EVA1A: variants seen among roughly 807,000 people sequenced by gnomAD.
The protein encoded by EVA1A is protein eva-1 homolog A.
A neutral mutation model predicts 9.8 loss-of-function variants in EVA1A; 7 were observed. That is an observed-to-expected ratio of 0.71 (90% confidence interval 0.41 to 1.34). EVA1A has a LOEUF of 1.34. EVA1A is among the 40% of genes most tolerant of loss of function. The pLI is 0.01. For synonymous variants in EVA1A, 90 were observed against 85.6 expected (o/e 1.05, Z -0.28); for missense variants, 206 against 205.9 (o/e 1.00, Z 0.00).
intron 1 of EVA1A, among the ~76,000 whole-genome samples, chr2:75,552,256 A>T (rs1001867588): frequency 2.0e-5 from 3 of 152,174 alleles, no homozygotes; most frequent in African/African-American, 7.2e-5. Flanking sequence ...CCTAGAAAAC[A>T]TCTGCCCACT....
intron 1 of EVA1A, chr2:75,524,020 C>A (rs1372501769): frequency 1.3e-5 from 2 of 152,176 alleles, no homozygotes; most frequent in Non-Finnish European, 2.9e-5. Context: ...GGTGAGTTCT[C>A]ATGAGATCTG....
chr2:75,560,030 T>G (rs1420306749), intron 1 of EVA1A, among the ~76,000 whole-genome samples: 1 of 152,048 alleles, frequency 6.6e-6, no homozygotes, highest in Non-Finnish European at 1.5e-5. Context: ...TGCCAACACC[T>G]CCCCTTACCC....
intron 1 of EVA1A, 71 bp downstream of exon 1, chr2:75,560,609 G>A (rs1676889868): frequency 7.0e-6 from 1 of 142,014 alleles, no homozygotes. Flanking sequence ...AGGGCGCTTC[G>A]GAGAAGCCGG....
At chr2:75,495,902 T>C (rs781154476) in intron 3 of EVA1A, among the ~76,000 whole-genome samples, 2 of 152,266 alleles carry the variant, frequency 1.3e-5, no homozygotes, top group Admixed American at 6.5e-5. Flanking sequence ...TTGTTGGTTG[T>C]CTTTTATGAA....
At chr2:75,495,081 AC>A (rs966297334) in intron 3 of EVA1A, among the ~76,000 whole-genome samples, 16 of 151,954 alleles carry the variant, frequency 1.1e-4, no homozygotes, top group African/African-American at 3.1e-4. Flanking sequence ...TTTATCCCTC[AC>A]CCCCCTCCCA....
At chr2:75,494,228 G>C (rs549004528) in intron 3 of EVA1A, among the ~76,000 whole-genome samples, 1 of 152,080 alleles carries the variant, frequency 6.6e-6, no homozygotes, top group South Asian at 2.1e-4. Context: ...CATTATTTGC[G>C]AGATGAGAAA....
intron 1 of EVA1A, among the ~76,000 whole-genome samples, chr2:75,555,824 T>TA (rs1386903207): frequency 6.6e-6 from 1 of 152,206 alleles, no homozygotes; most frequent in Non-Finnish European, 1.5e-5. Flanking sequence ...TCTTGACTCT[T>TA]ACACATGCTG....
intron 1 of EVA1A, chr2:75,524,145 C>G (rs1314500440): frequency 6.6e-6 from 1 of 152,340 alleles, no homozygotes; most frequent in Admixed American, 6.5e-5. Context: ...CCCAGCCATA[C>G]AGAACTGTGA....
intron 1 of EVA1A, among the ~76,000 whole-genome samples, chr2:75,528,506 G>A (rs749789672): frequency 3.3e-5 from 5 of 152,070 alleles, no homozygotes; most frequent in Non-Finnish European, 7.4e-5. Context: ...GGCTTTCCCC[G>A]ACTTCCCTGG....
chr2:75,495,028 G>C (rs1674158311), intron 3 of EVA1A, among the ~76,000 whole-genome samples: 1 of 152,104 alleles, frequency 6.6e-6, no homozygotes, highest in Non-Finnish European at 1.5e-5. Context: ...GAGGACAAAG[G>C]AACAGGCCTG....
chr2:75,517,678 C>G, intron 3 of EVA1A: 1 of 649,576 alleles, frequency 1.5e-6, no homozygotes, highest in Non-Finnish European at 2.8e-6. Context: ...CACACAGTCT[C>G]ACACACAGGC....
intron 3 of EVA1A, 196 bp downstream of exon 3, chr2:75,517,860 A>C (rs565595354): frequency 4.0e-6 from 3 of 751,410 alleles, no homozygotes; most frequent in African/African-American, 3.5e-5. Flanking sequence ...AGAACCCTTC[A>C]TTTTTCAAAT....
At chr2:75,543,359 A>G in intron 1 of EVA1A, among the ~76,000 whole-genome samples, 1 of 152,112 alleles carries the variant, frequency 6.6e-6, no homozygotes, top group Non-Finnish European at 1.5e-5. Flanking sequence ...ACGCCTGACC[A>G]AGGAACACAC....
intron 3 of EVA1A, among the ~76,000 whole-genome samples, chr2:75,504,849 G>A (rs1572949186): frequency 6.6e-6 from 1 of 152,126 alleles, no homozygotes. Context: ...TAATGCATGC[G>A]GGGCTTGAAA....
intron 1 of EVA1A, among the ~76,000 whole-genome samples, chr2:75,527,049 C>G (rs2103877602): frequency 6.6e-6 from 1 of 152,260 alleles, no homozygotes; most frequent in East Asian, 1.9e-4. Flanking sequence ...CAAACAGACT[C>G]CCAACAAATG....
At chr2:75,563,944 A>T (rs1676973074), upstream of EVA1A, among the ~76,000 whole-genome samples, 1 of 152,250 alleles carries the variant, frequency 6.6e-6, no homozygotes, top group Non-Finnish European at 1.5e-5. Flanking sequence ...GGGGTGATTT[A>T]TTCTAAGATG....
intron 1 of EVA1A, among the ~76,000 whole-genome samples, chr2:75,541,153 T>C (rs910206865): frequency 1.3e-5 from 2 of 152,204 alleles, no homozygotes; most frequent in Non-Finnish European, 2.9e-5. Context: ...GGGCCTTGCA[T>C]ACAATAGAGC....
At chr2:75,545,999 G>C (rs1676316335) in intron 1 of EVA1A, among the ~76,000 whole-genome samples, 1 of 152,200 alleles carries the variant, frequency 6.6e-6, no homozygotes, top group African/African-American at 2.4e-5. Flanking sequence ...CGATTTGAGA[G>C]AGAGAATTGT....
intron 1 of EVA1A, among the ~76,000 whole-genome samples, chr2:75,536,517 A>G (rs1423096851): frequency 6.6e-6 from 1 of 152,160 alleles, no homozygotes; most frequent in Non-Finnish European, 1.5e-5. Context: ...AAATTACCAG[A>G]GGGTCTTTGA....
Sources: allele counts gnomAD v4.1 joint callset (sites outside exome capture counted in the v4.1 genomes callset), GRCh38; gene constraint gnomAD v4.1.1; transcripts MANE v1.5; gene names NCBI Gene and HGNC (gene_info 2026-07-23, HGNC 2026-07-21).